Variants in DLG2 observed in about 807,000 individuals in gnomAD.
DLG2 encodes discs large MAGUK scaffold protein 2.
DLG2 carries 45 observed loss-of-function variants against 132.5 expected under a neutral mutation model. The ratio of observed to expected loss-of-function variants is 0.34; its 90% CI spans 0.27 to 0.44. The LOEUF is 0.44. DLG2 is among the 20% of genes least tolerant of loss of function. The probability of loss-of-function intolerance (pLI) is 1.00; values close to 1 mark genes in which losing one functional copy is unlikely to be tolerated. For synonymous variants in DLG2, 424 were observed against 419.6 expected, an observed-to-expected ratio of 1.01 and a Z score of -0.13; for missense variants, 1,045 against 1,196.9, an observed-to-expected ratio of 0.87 and a Z score of 1.87.
chr11:85,366,619 A>G (rs557195487), intron 3 of DLG2, among the ~76,000 whole-genome samples: 1 of 152,302 alleles, frequency 6.6e-6, no homozygotes, highest in South Asian at 2.1e-4. Context: ...AATAATACTG[A>G]AATTAACATT....
At chr11:85,290,573 TA>T (rs1314372091) in intron 3 of DLG2, among the ~76,000 whole-genome samples, 1 of 151,978 alleles carries the variant, frequency 6.6e-6, no homozygotes, top group African/African-American at 2.4e-5. Context: ...AAGATGCCCA[TA>T]ATAGAAGGAA....
At chr11:84,997,240 A>G (rs2057741209) in intron 6 of DLG2, 1 of 152,770 alleles carries the variant, frequency 6.5e-6, no homozygotes, top group Non-Finnish European at 1.5e-5. Context: ...AAAACAAGTT[A>G]CCTGTATTTT....
intron 6 of DLG2, among the ~76,000 whole-genome samples, chr11:84,629,489 C>T (rs1222293159): frequency 6.6e-6 from 1 of 152,202 alleles, no homozygotes; most frequent in Non-Finnish European, 1.5e-5. Flanking sequence ...CTGAGAGATT[C>T]AGCTGAAGAG....
intron 7 of DLG2, among the ~76,000 whole-genome samples, chr11:84,497,960 C>G (rs2099189847): frequency 6.6e-6 from 1 of 152,072 alleles, no homozygotes; most frequent in Non-Finnish European, 1.5e-5. Flanking sequence ...GAGGACAGAA[C>G]CCAGGCACTC....
At chr11:84,897,525 A>G (rs2090361614) in intron 6 of DLG2, among the ~76,000 whole-genome samples, 1 of 151,854 alleles carries the variant, frequency 6.6e-6, no homozygotes, top group East Asian at 1.9e-4. Context: ...CCATGAATCT[A>G]TCCTGGTATC....
At chr11:85,084,763 A>G (rs892540462) in intron 6 of DLG2, among the ~76,000 whole-genome samples, 4 of 152,104 alleles carry the variant, frequency 2.6e-5, no homozygotes, top group Non-Finnish European at 5.9e-5. Flanking sequence ...AATATATGAG[A>G]TCATTCAGAA....
At chr11:84,919,525 A>G (rs2092659812) in intron 6 of DLG2, among the ~76,000 whole-genome samples, 1 of 152,178 alleles carries the variant, frequency 6.6e-6, no homozygotes. Context: ...TCACCGCTCA[A>G]GAGACTCTGC....
intron 4 of DLG2, among the ~76,000 whole-genome samples, chr11:85,234,766 T>C (rs2075490872): frequency 6.6e-6 from 1 of 152,090 alleles, no homozygotes; most frequent in East Asian, 1.9e-4. Flanking sequence ...TTAGGTTCTC[T>C]CCCTTATGAA....
At chr11:85,038,342 GA>G (rs1423844586) in intron 6 of DLG2, among the ~76,000 whole-genome samples, 2 of 151,902 alleles carry the variant, frequency 1.3e-5, no homozygotes, top group Admixed American at 6.6e-5. Context: ...CGTTTTGACA[GA>G]AAAAAAGTTT....
chr11:84,547,096 A>G (rs2099391473), intron 6 of DLG2, among the ~76,000 whole-genome samples: 2 of 152,124 alleles, frequency 1.3e-5, no homozygotes, highest in Admixed American at 1.3e-4. Context: ...CAACTACCTC[A>G]CAAGATTTTT....
intron 4 of DLG2, among the ~76,000 whole-genome samples, chr11:85,177,263 T>TTATATA (rs748552882): frequency 3.1e-4 from 43 of 137,062 alleles, no homozygotes; most frequent in East Asian, 1.3e-3. Context: ...GTATATGTAT[T>TTATATA]TATATATATA....
chr11:85,360,053 A>G (rs1185608272), intron 3 of DLG2, among the ~76,000 whole-genome samples: 1 of 152,188 alleles, frequency 6.6e-6, no homozygotes, highest in Non-Finnish European at 1.5e-5. Flanking sequence ...GCAGAGCGAA[A>G]GATTACCCAC....
chr11:84,417,492 T>C (rs917738375), intron 7 of DLG2, among the ~76,000 whole-genome samples: 8 of 152,154 alleles, frequency 5.3e-5, no homozygotes, highest in Admixed American at 5.2e-4. Context: ...TAGTCCCTCA[T>C]CGGTACTTTC....
chr11:84,002,005 C>A (rs1423086321), intron 11 of DLG2, among the ~76,000 whole-genome samples: 1 of 151,818 alleles, frequency 6.6e-6, no homozygotes, highest in Non-Finnish European at 1.5e-5. Flanking sequence ...GCAACTCAAG[C>A]AATTAGAAAA....
intron 4 of DLG2, among the ~76,000 whole-genome samples, chr11:85,193,399 CAT>C (rs1490464700): frequency 3.9e-5 from 6 of 152,110 alleles, no homozygotes; most frequent in South Asian, 2.1e-4. Flanking sequence ...TTCATAGAAA[CAT>C]ATATTTTCAG....
At chr11:85,555,794 T>C (rs2076912643) in intron 3 of DLG2, among the ~76,000 whole-genome samples, 1 of 151,926 alleles carries the variant, frequency 6.6e-6, no homozygotes, top group African/African-American at 2.4e-5. Context: ...CTCATTTTTC[T>C]GCCACCTCCC....
At chr11:84,234,974 C>G (rs749569759) in intron 8 of DLG2, among the ~76,000 whole-genome samples, 1 of 152,304 alleles carries the variant, frequency 6.6e-6, no homozygotes, top group East Asian at 1.9e-4. Context: ...TGATAAGAAA[C>G]ATTTACAATC....
chr11:83,893,976 A>G (rs1763960257), intron 15 of DLG2, among the ~76,000 whole-genome samples: 1 of 152,182 alleles, frequency 6.6e-6, no homozygotes, highest in South Asian at 2.1e-4. Flanking sequence ...TTGGTTTGTA[A>G]TTGCTCCAAA....
chr11:84,265,948 A>G (rs771267625), intron 7 of DLG2, among the ~76,000 whole-genome samples: 30 of 152,174 alleles, frequency 2.0e-4, no homozygotes, highest in Non-Finnish European at 3.4e-4. Flanking sequence ...GACTGCCATT[A>G]TTAACTCTGA....
Sources: allele counts gnomAD v4.1 joint callset (sites outside exome capture counted in the v4.1 genomes callset), GRCh38; gene constraint gnomAD v4.1.1; transcripts MANE v1.5; gene names NCBI Gene and HGNC (gene_info 2026-07-23, HGNC 2026-07-21).